Variants in CDH12 observed in about 807,000 individuals in gnomAD.
CDH12 encodes the protein cadherin-12.
In CDH12, 41 loss-of-function variants were observed where a neutral mutation model predicts 74.1. That is an observed-to-expected ratio of 0.55 (90% CI 0.43 to 0.72). The LOEUF is 0.72. Among genes scored for constraint, CDH12 ranks in the 30% least tolerant of loss-of-function variants. The probability of loss-of-function intolerance (pLI) is 0.00; values close to 1 mark genes in which losing one functional copy is unlikely to be tolerated. For missense variants in CDH12, 945 were observed against 977.2 expected (o/e 0.97, Z 0.44); for synonymous variants, 399 against 355.0 (o/e 1.12, Z -1.39).
intron 4 of CDH12, chr5:22,143,695 T>C (rs931141410): frequency 7.9e-5 from 12 of 152,138 alleles, no homozygotes; most frequent in African/African-American, 2.9e-4. Flanking sequence ...TTCAAAAATG[T>C]TCTGCTCTGT....
intron 1 of CDH12, among the ~76,000 whole-genome samples, chr5:22,578,574 G>C (rs747731039): frequency 1.8e-4 from 27 of 152,238 alleles, no homozygotes; most frequent in Non-Finnish European, 2.6e-4. Context: ...AAATTTAGCA[G>C]AAATAATAAA....
chr5:22,783,208 G>T (rs1561027674), intron 1 of CDH12, among the ~76,000 whole-genome samples: 1 of 152,016 alleles, frequency 6.6e-6, no homozygotes. Context: ...TTATAAATAT[G>T]CACGTGCCAC....
At chr5:22,371,317 A>G (rs895474933) in intron 3 of CDH12, among the ~76,000 whole-genome samples, 1 of 152,178 alleles carries the variant, frequency 6.6e-6, no homozygotes, top group African/African-American at 2.4e-5. Flanking sequence ...ATATGCTTCT[A>G]CATATAAGTA....
chr5:21,988,337 C>G (rs1468895393), intron 5 of CDH12, among the ~76,000 whole-genome samples: 1 of 151,378 alleles, frequency 6.6e-6, no homozygotes, highest in African/African-American at 2.4e-5. Context: ...ACTAAAAATA[C>G]AAAAATTAGC....
chr5:22,116,080 T>G (rs1433487506), intron 4 of CDH12, among the ~76,000 whole-genome samples: 3 of 152,200 alleles, frequency 2.0e-5, no homozygotes, highest in Non-Finnish European at 4.4e-5. Context: ...TTAAAGTTAC[T>G]AACTAGTTAA....
At chr5:22,421,986 C>G (rs561410037) in intron 2 of CDH12, among the ~76,000 whole-genome samples, 1 of 152,248 alleles carries the variant, frequency 6.6e-6, no homozygotes, top group Non-Finnish European at 1.5e-5. Flanking sequence ...TAAATGTCTT[C>G]TTTTGAGAAG....
chr5:22,609,489 A>G (rs890628572), intron 1 of CDH12, among the ~76,000 whole-genome samples: 2 of 152,140 alleles, frequency 1.3e-5, no homozygotes, highest in Admixed American at 1.3e-4. Flanking sequence ...TATATCTCCA[A>G]TTCTTAGCTC....
intron 6 of CDH12, among the ~76,000 whole-genome samples, chr5:21,893,041 T>C (rs1348150141): frequency 6.6e-6 from 1 of 152,150 alleles, no homozygotes; most frequent in Non-Finnish European, 1.5e-5. Context: ...CTTTATCACC[T>C]TTTCATACCC....
intron 1 of CDH12, among the ~76,000 whole-genome samples, chr5:22,654,181 CTTTCTTTCTTTCTTTCT>C (rs1199715911): frequency 4.5e-5 from 6 of 132,988 alleles, no homozygotes; most frequent in Admixed American, 1.5e-4. Flanking sequence ...TTCCTTTCTT[CTTTCTTTCTTTCTTTCT>C]TTTCTTTCTT....
At chr5:22,715,281 T>A (rs1428675641) in intron 1 of CDH12, among the ~76,000 whole-genome samples, 2 of 152,250 alleles carry the variant, frequency 1.3e-5, no homozygotes, top group Non-Finnish European at 2.9e-5. Context: ...TGTCTAAGCA[T>A]ATTTTAATGG....
intron 1 of CDH12, among the ~76,000 whole-genome samples, chr5:22,519,226 C>A (rs1477756734): frequency 6.6e-6 from 1 of 152,240 alleles, no homozygotes; most frequent in Non-Finnish European, 1.5e-5. Flanking sequence ...AGACTAAGGG[C>A]TGTACTGCTC....
chr5:22,573,613 T>G (rs1460405576), intron 1 of CDH12, among the ~76,000 whole-genome samples: 2 of 152,198 alleles, frequency 1.3e-5, no homozygotes, highest in Non-Finnish European at 2.9e-5. Flanking sequence ...GTTTCAATTA[T>G]TCAGGTCCAT....
intron 4 of CDH12, among the ~76,000 whole-genome samples, chr5:22,210,950 A>C (rs1345037521): frequency 1.3e-5 from 2 of 152,232 alleles, no homozygotes; most frequent in Non-Finnish European, 2.9e-5. Context: ...AAGAGATAGA[A>C]GTCTCAGAAC....
intron 1 of CDH12, among the ~76,000 whole-genome samples, chr5:22,747,343 A>G (rs905093871): frequency 6.6e-6 from 1 of 151,966 alleles, no homozygotes; most frequent in Non-Finnish European, 1.5e-5. Context: ...ACAGTAAAAG[A>G]CCAGGTGTAG....
intron 6 of CDH12, among the ~76,000 whole-genome samples, chr5:21,943,406 G>GT (rs1217986058): frequency 1.3e-5 from 2 of 152,044 alleles, no homozygotes; most frequent in Admixed American, 6.5e-5. Context: ...TAGATCTAAA[G>GT]TGGACTTTGT....
At chr5:21,879,589 T>C (rs1036448299) in intron 6 of CDH12, among the ~76,000 whole-genome samples, 11 of 152,258 alleles carry the variant, frequency 7.2e-5, no homozygotes, top group Non-Finnish European at 1.3e-4. Flanking sequence ...ATGAGGCTTC[T>C]CTCATTATAC....
At chr5:22,112,032 A>T (rs1383700759) in intron 4 of CDH12, among the ~76,000 whole-genome samples, 1 of 152,166 alleles carries the variant, frequency 6.6e-6, no homozygotes, top group Non-Finnish European at 1.5e-5. Flanking sequence ...TAAAATATGA[A>T]TGTATTTAGA....
At position 22,546,834 on chromosome 5, in the gene CDH12, C is replaced by A. The variant is rs138504294; in HGVS notation, c.-522-41470G>T. 5.5e-3 allele frequency among the ~76,000 whole-genome samples: 832 copies of A among 152,274 alleles called. 8 individuals carry two copies. Among genetic ancestry groups the A allele is most frequent in the African/African-American group, 0.019 (804 of 41,556 alleles). Reference sequence around the variant, plus strand: ...TATTTTCTAGGGCCCCATTTAAAATCTTAACGCCTACATATTTTTCAGTAT... The same window carrying A: ...TATTTTCTAGGGCCCCATTTAAAATATTAACGCCTACATATTTTTCAGTAT... On this transcript the variant is annotated intron_variant, in intron 1 of 14. Transcript: ENST00000382254.
At chr5:22,705,029 C>CAT (rs1025636919) in intron 1 of CDH12, among the ~76,000 whole-genome samples, 7 of 150,778 alleles carry the variant, frequency 4.6e-5, no homozygotes, top group East Asian at 2.0e-4. Flanking sequence ...TATATATATG[C>CAT]ATATATATAC....
Sources: gnomAD v4.1 joint callset for allele counts (sites outside exome capture counted in the v4.1 genomes callset) on GRCh38, gnomAD v4.1.1 for gene constraint, MANE v1.5 for transcripts, NCBI Gene and HGNC (gene_info 2026-07-23, HGNC 2026-07-21) for gene names.